TSPAN15: variants seen among roughly 807,000 people sequenced by gnomAD.
TSPAN15 encodes tetraspanin-15.
In TSPAN15, 20 loss-of-function variants were observed where a neutral mutation model predicts 34.5. That is an observed-to-expected ratio of 0.58 (90% CI 0.41 to 0.84). TSPAN15 has a LOEUF of 0.84. Among genes scored for constraint, TSPAN15 ranks in the 40% least tolerant of loss-of-function variants. The probability of loss-of-function intolerance (pLI) is 0.00; values close to 1 mark genes in which losing one functional copy is unlikely to be tolerated. For synonymous variants in TSPAN15, 155 were observed against 153.9 expected (o/e 1.01, Z -0.05); for missense variants, 313 against 386.1 (o/e 0.81, Z 1.59).
At chr10:69,512,903 A>G in the TSPAN15 span, among the ~76,000 whole-genome samples, 4 of 152,242 alleles carry the variant, frequency 2.6e-5, no homozygotes, top group African/African-American at 4.8e-5. Flanking sequence ...ATACTTGTGC[A>G]TGTGTCTTTA....
intron 1 of TSPAN15, among the ~76,000 whole-genome samples, chr10:69,452,663 T>C (rs1405560628): frequency 6.6e-6 from 1 of 152,188 alleles, no homozygotes; most frequent in African/African-American, 2.4e-5. Context: ...CCCCAAGAGA[T>C]TGGGTTTCTG....
chr10:69,471,595 C>G lies in TSPAN15; in HGVS notation c.97-12096C>G, dbSNP rs535014223. Among the ~76,000 whole-genome samples the G allele has an allele frequency of 1.3e-4, 20 of 148,250 alleles. 1 individual carries two copies. In the South Asian group the frequency reaches 4.4e-3, roughly 32 times the overall value. On this transcript the variant is annotated intron_variant, in intron 1 of 7. Transcript: ENST00000373290. ...TCTCCCCACCTTCTCTCCCTCCCCT[C>G]TTCCCTCCCCTCCCCTCCCCTTCTC...
At chr10:69,535,054 A>AT in the TSPAN15 span, among the ~76,000 whole-genome samples, 3 of 152,070 alleles carry the variant, frequency 2.0e-5, no homozygotes, top group African/African-American at 7.2e-5. Context: ...CTGTTGAGGT[A>AT]TTTTATCTTA....
At chr10:69,456,830 A>G (rs1841122188) in intron 1 of TSPAN15, among the ~76,000 whole-genome samples, 1 of 152,098 alleles carries the variant, frequency 6.6e-6, no homozygotes, top group Non-Finnish European at 1.5e-5. Flanking sequence ...ATACCCCTAA[A>G]CCACTTATGG....
At chr10:69,485,633 GT>G (rs1295447441) in intron 3 of TSPAN15, among the ~76,000 whole-genome samples, 1 of 152,132 alleles carries the variant, frequency 6.6e-6, no homozygotes, top group African/African-American at 2.4e-5. Flanking sequence ...GGAGCTTGGA[GT>G]TTTTTCTAGA....
chr10:69,471,812 C>T (rs58732211), intron 1 of TSPAN15, among the ~76,000 whole-genome samples: 9,415 of 152,130 alleles, frequency 0.062, 1,001 homozygotes, highest in African/African-American at 0.22. Context: ...AGGTTGGTCT[C>T]AAACTTCTGG....
the TSPAN15 span, chr10:69,523,291 A>T: frequency 2.4e-6 from 1 of 415,320 alleles, no homozygotes. Context: ...AAACCCAGTA[A>T]TTAAACAAAA....
chr10:69,544,522 G>A, the TSPAN15 span, among the ~76,000 whole-genome samples: 1 of 152,184 alleles, frequency 6.6e-6, no homozygotes, highest in African/African-American at 2.4e-5. Context: ...GCTGCTCCAG[G>A]CAAGGCTATG....
chr10:69,503,074 C>G (rs1408780134), intron 5 of TSPAN15, among the ~76,000 whole-genome samples: 2 of 152,204 alleles, frequency 1.3e-5, no homozygotes, highest in Non-Finnish European at 2.9e-5. Flanking sequence ...GCCCGTGCAC[C>G]TGCTCTCCAG....
At chr10:69,458,199 A>G (rs752199388) in intron 1 of TSPAN15, among the ~76,000 whole-genome samples, 1 of 152,264 alleles carries the variant, frequency 6.6e-6, no homozygotes, top group Non-Finnish European at 1.5e-5. Flanking sequence ...CTGGCCTCCC[A>G]GTGAAGCACT....
chr10:69,498,249 G>A (rs751141732), intron 4 of TSPAN15, 31 bp from the exon 5 acceptor site: 2 of 1,598,608 alleles, frequency 1.3e-6, no homozygotes, highest in Middle Eastern at 1.7e-4. Flanking sequence ...GGCGATGACG[G>A]CAGCTCCTCT....
chr10:69,507,159 G>A lies in TSPAN15; in HGVS notation c.*181G>A, dbSNP rs1057353987. 5.6e-6 allele frequency: 8 copies of A among 1,434,470 alleles called. No homozygotes were observed. The highest frequency in any genetic ancestry group is 4.3e-5 in the African/African-American group (3 of 69,354). The allele number at this position is 1,434,470 out of a possible 1,614,324, so 88.9% of individuals were successfully genotyped here. A position where few individuals can be genotyped will look rare whatever the true frequency, so the allele number is the denominator to read the frequency against. ...TGCCTCCCCAGGGAGCAGAGCCTGG[G>A]CCTCCCCTAAGAGGCTTTCCCCGAG... On this transcript the variant is annotated 3_prime_UTR_variant, in exon 8 of 8. Transcript: ENST00000373290.
intron 4 of TSPAN15, 68 bp downstream of exon 4, chr10:69,495,757 C>G (rs1842067459): frequency 8.9e-7 from 1 of 1,125,318 alleles, no homozygotes. Flanking sequence ...GGCCCCTGCT[C>G]AAGAAGATGG....
chr10:69,494,656 C>T lies in TSPAN15; in HGVS notation c.358-938C>T, dbSNP rs192125174. 136 of 985,422 alleles carry T rather than the reference C, an allele frequency of 1.4e-4. No individual in the cohort carries two copies. In the African/African-American group the frequency reaches 1.5e-3, roughly 11 times the overall value. 61.0% of individuals were successfully genotyped at this position (985,422 alleles called of 1,614,324 possible). ...TGAGGCCCAGAGAGGAGAAGTAAGC[C>T]GCGATGGGGCCTGGAACCAGGATCC... On this transcript the variant is annotated intron_variant, in intron 3 of 7. Transcript: ENST00000373290.
chr10:69,485,342 G>A, intron 3 of TSPAN15, 127 bp downstream of exon 3: 1 of 816,728 alleles, frequency 1.2e-6, no homozygotes, highest in South Asian at 1.4e-5. Context: ...TCTGCTGAAA[G>A]AGAATGACAG....
intron 1 of TSPAN15, among the ~76,000 whole-genome samples, chr10:69,460,431 T>C (rs1256257848): frequency 6.6e-6 from 1 of 152,126 alleles, no homozygotes; most frequent in African/African-American, 2.4e-5. Context: ...AGACTTACGA[T>C]GTCACCTTCC....
At chr10:69,472,693 C>T (rs907495576) in intron 1 of TSPAN15, among the ~76,000 whole-genome samples, 2 of 152,196 alleles carry the variant, frequency 1.3e-5, no homozygotes, top group Non-Finnish European at 2.9e-5. Context: ...AGCATTACAA[C>T]AGTGCTACAT....
intron 3 of TSPAN15, among the ~76,000 whole-genome samples, chr10:69,493,190 T>C (rs1024767160): frequency 4.6e-5 from 7 of 152,204 alleles, no homozygotes; most frequent in African/African-American, 1.7e-4. Flanking sequence ...TGGGGGCCTC[T>C]GGGAGGTGGG....
At chr10:69,538,329 C>T in the TSPAN15 span, among the ~76,000 whole-genome samples, 1 of 152,288 alleles carries the variant, frequency 6.6e-6, no homozygotes, top group East Asian at 1.9e-4. Context: ...GGTGAGGACC[C>T]CTCCTCCCAG....
Sources: gnomAD v4.1 joint callset for allele counts (sites outside exome capture counted in the v4.1 genomes callset) on GRCh38, gnomAD v4.1.1 for gene constraint, MANE v1.5 for transcripts, NCBI Gene and HGNC (gene_info 2026-07-23, HGNC 2026-07-21) for gene names.